Variants in EPHA4 observed in about 807,000 individuals in gnomAD.
The protein encoded by EPHA4 is EPH receptor A4.
EPHA4 carries 19 observed loss-of-function variants against 108.3 expected under a neutral mutation model. The observed-to-expected ratio is 0.18, with a 90% CI of 0.12 to 0.26. The LOEUF (loss-of-function observed/expected upper bound fraction) is 0.26, where lower values mean the gene tolerates loss of function less well. EPHA4 is among the 10% of genes least tolerant of loss of function. EPHA4 has a pLI of 1.00. For synonymous variants in EPHA4, 449 were observed against 455.5 expected (o/e 0.99, Z 0.18); for missense variants, 917 against 1,254.0 (o/e 0.73, Z 4.06).
Position 221,456,601 on chromosome 2 carries a change from G to A in EPHA4, c.1603+12C>T. ...GCCTCAGAAGTGACTGAGTCTGGGT[G>A]GTCCTTGTTACCTGTGTTGGTTGTA... On this transcript the variant is annotated intron_variant, in intron 7 of 17. Transcript: ENST00000281821. 1 of 1,613,058 alleles carries A rather than the reference G, an allele frequency of 6.2e-7. No homozygotes were observed. The highest frequency in any genetic ancestry group is 1.1e-5 in the South Asian group (1 of 90,990).
chr2:221,484,004 G>A (rs368838746), intron 4 of EPHA4, among the ~76,000 whole-genome samples: 55 of 152,252 alleles, frequency 3.6e-4, no homozygotes, highest in African/African-American at 1.2e-3. Context: ...TCCAAGAGAT[G>A]AGCAAAATGA....
chr2:221,486,488 T>C (rs969183824), intron 4 of EPHA4, among the ~76,000 whole-genome samples: 11 of 151,988 alleles, frequency 7.2e-5, no homozygotes, highest in Non-Finnish European at 1.5e-5. Flanking sequence ...CCCAGCACTT[T>C]GGGAGGCCAA....
upstream of EPHA4, chr2:221,573,244 G>A (rs939777353): frequency 2.0e-5 from 3 of 152,260 alleles, no homozygotes; most frequent in Admixed American, 1.3e-4. The surrounding 1 kb of genome is among the most constrained non-coding windows in gnomAD (Gnocchi z 4.5). Flanking sequence ...CCGGGACTGG[G>A]AAGCTGCCCG....
chr2:221,500,536 G>A (rs1692457342), intron 4 of EPHA4, among the ~76,000 whole-genome samples: 1 of 152,140 alleles, frequency 6.6e-6, no homozygotes, highest in Non-Finnish European at 1.5e-5. Context: ...ATTAGGATTG[G>A]GGCCTAAGTC....
intron 5 of EPHA4, among the ~76,000 whole-genome samples, chr2:221,480,686 T>C (rs1039598990): frequency 1.3e-5 from 2 of 152,206 alleles, no homozygotes; most frequent in Non-Finnish European, 2.9e-5. Flanking sequence ...AAGGCCTAGC[T>C]GGATGACCCG....
At chr2:221,569,899 C>T (rs946259678) in intron 1 of EPHA4, among the ~76,000 whole-genome samples, 3 of 152,112 alleles carry the variant, frequency 2.0e-5, no homozygotes, top group African/African-American at 7.2e-5. Flanking sequence ...CTACTTTTCC[C>T]GGGGAGTCTG....
At chr2:221,482,209 C>T in intron 5 of EPHA4, 143 bp downstream of exon 5, 1 of 878,488 alleles carries the variant, frequency 1.1e-6, no homozygotes, top group Non-Finnish European at 1.7e-6. Flanking sequence ...CCGTGCCCAG[C>T]CCCTAAGTAT....
chr2:221,481,862 T>C (rs1431796075), intron 5 of EPHA4, among the ~76,000 whole-genome samples: 2 of 152,168 alleles, frequency 1.3e-5, no homozygotes, highest in Non-Finnish European at 2.9e-5. Context: ...GCACTCTGCA[T>C]TGGTAAAAAT....
At chr2:221,457,654 C>T (rs762869446) in intron 6 of EPHA4, among the ~76,000 whole-genome samples, 1 of 151,646 alleles carries the variant, frequency 6.6e-6, no homozygotes, top group Admixed American at 6.6e-5. Flanking sequence ...AAGCAAAATG[C>T]ATTTGATTTG....
chr2:221,515,598 T>G (rs991940559), intron 3 of EPHA4, among the ~76,000 whole-genome samples: 3 of 152,168 alleles, frequency 2.0e-5, no homozygotes, highest in African/African-American at 7.2e-5. Flanking sequence ...GAACACTGCT[T>G]ACATCCAGCA....
chr2:221,445,303 C>T (rs1690557450), intron 9 of EPHA4, among the ~76,000 whole-genome samples: 1 of 152,058 alleles, frequency 6.6e-6, no homozygotes, highest in Non-Finnish European at 1.5e-5. Context: ...TAAAAGTCTT[C>T]TACTGGCTGG....
intron 3 of EPHA4, among the ~76,000 whole-genome samples, chr2:221,549,720 C>T (rs1384603857): frequency 6.6e-6 from 1 of 152,242 alleles, no homozygotes; most frequent in Non-Finnish European, 1.5e-5. Flanking sequence ...GCTCACATGG[C>T]TCACGCCTGT....
chr2:221,423,634 AAAC>A (rs1559233107), intron 17 of EPHA4, among the ~76,000 whole-genome samples: 1 of 152,178 alleles, frequency 6.6e-6, no homozygotes, highest in Non-Finnish European at 1.5e-5. Context: ...AGCAGGAACA[AAAC>A]AACACCAGCA....
Position 221,482,436 on chromosome 2 carries a change from C to G in EPHA4, c.1234G>C (p.Glu412Gln), listed in dbSNP as rs1314884263. The G allele has an allele frequency of 6.2e-7, 1 of 1,613,924 alleles. No individual in the cohort carries two copies. Among genetic ancestry groups the G allele is most frequent in the Non-Finnish European group, 8.5e-7 (1 of 1,179,976 alleles). ...GACACTCCATTCACAGCCCAGATTT[C>G]AAAGGTGTAATTGGTATGAGCTAGG... ...DLLAHTNYTF[E>Q]IWAVNGVSKY... Residue 412 changes from glutamate (E) to glutamine (Q), a missense_variant, in exon 5 of 18, where the codon GAA becomes CAA. Coordinates refer to ENST00000281821, the MANE Select transcript of EPHA4 (RefSeq NM_004438.5).
intron 17 of EPHA4, among the ~76,000 whole-genome samples, chr2:221,423,978 T>C (rs1186052167): frequency 6.6e-6 from 1 of 151,656 alleles, no homozygotes; most frequent in African/African-American, 2.4e-5. Context: ...TAGCCAGGCC[T>C]GGGTGGTGGG....
chr2:221,487,221 TC>T (rs1692005279), intron 4 of EPHA4, among the ~76,000 whole-genome samples: 1 of 152,196 alleles, frequency 6.6e-6, no homozygotes, highest in Non-Finnish European at 1.5e-5. Flanking sequence ...TTTGATAACT[TC>T]CTGATAGTTG....
chr2:221,572,109 C>A (rs377716149), intron 1 of EPHA4, 49 bp downstream of exon 1: 2 of 1,514,706 alleles, frequency 1.3e-6, no homozygotes, highest in African/African-American at 2.7e-5. Flanking sequence ...CCCTCACCCG[C>A]GATGGCCCCT....
At chr2:221,519,506 C>T (rs1693094867) in intron 3 of EPHA4, among the ~76,000 whole-genome samples, 1 of 152,200 alleles carries the variant, frequency 6.6e-6, no homozygotes, top group African/African-American at 2.4e-5. Flanking sequence ...TGAGAAAACC[C>T]AGTTCCTTTC....
chr2:221,477,226 G>A (rs1351728574), intron 5 of EPHA4, among the ~76,000 whole-genome samples: 1 of 152,132 alleles, frequency 6.6e-6, no homozygotes, highest in Non-Finnish European at 1.5e-5. Flanking sequence ...AACAGTAACG[G>A]GAGCATCATG....
Sources: allele counts gnomAD v4.1 joint callset (sites outside exome capture counted in the v4.1 genomes callset), GRCh38; gene constraint gnomAD v4.1.1; non-coding constraint Gnocchi (gnomAD v3.1); transcripts MANE v1.5; gene names NCBI Gene and HGNC (gene_info 2026-07-23, HGNC 2026-07-21).